Variants in SH3D21 observed in about 807,000 individuals in gnomAD.
The protein encoded by SH3D21 is manchette microtubule inner protein 1.
SH3D21 carries 83 observed loss-of-function variants against 82.1 expected under a neutral mutation model. The ratio of observed to expected loss-of-function variants is 1.01; its 90% CI spans 0.85 to 1.21. SH3D21 has a LOEUF of 1.21. SH3D21 is among the 50% of genes most tolerant of loss of function. The probability of loss-of-function intolerance (pLI) is 0.00; values close to 1 mark genes in which losing one functional copy is unlikely to be tolerated. For synonymous variants in SH3D21, 383 were observed against 387.8 expected (o/e 0.99, Z 0.15); for missense variants, 980 against 962.1 (o/e 1.02, Z -0.25).
At chr1:36,311,313 T>A (rs994561993) in intron 10 of SH3D21, among the ~76,000 whole-genome samples, 1 of 152,102 alleles carries the variant, frequency 6.6e-6, no homozygotes, top group Admixed American at 6.6e-5. Context: ...CAATCTGGGC[T>A]CACTGCAAGC....
At position 36,320,385 on chromosome 1, in the gene SH3D21, TG is replaced by T. The variant is rs1646427784; in HGVS notation, c.1723del (p.Ala575ProfsTer38). On this transcript the variant is annotated frameshift_variant, in exon 14 of 16. Transcript: ENST00000453908. LOFTEE classifies it high-confidence loss of function. Reference protein sequence around the residue: ...ELKSGPASRPALEKPHPHEEA... With the variant: ...ELKSGPASRPXLEKPHPHEEA... ...TGAAGTCTGGGCCAGCATCCAGGCC[TG>T]CCCTTGAGAAGCCCCACCCCCACGA... 2 of 1,613,406 alleles carry T rather than the reference TG, an allele frequency of 1.2e-6. No individual in the cohort carries two copies. The highest frequency in any genetic ancestry group is 1.3e-5 in the African/African-American group (1 of 74,868).
chr1:36,320,366 C>T lies in SH3D21; in HGVS notation c.1703C>T (p.Ser568Phe). 1 of 1,613,564 alleles carries T rather than the reference C, an allele frequency of 6.2e-7. No individual in the cohort carries two copies. The highest frequency in any genetic ancestry group is 8.5e-7 in the Non-Finnish European group (1 of 1,180,012). ...TCCCCACGCCAGGCTGAGTTGAAGT[C>T]TGGGCCAGCATCCAGGCCTGCCCTT... ...DSSPRQAELK[S>F]GPASRPALEK... The change falls in exon 14 of 16, where the codon TCT becomes TTT. Residue 568 changes from serine to phenylalanine, a missense_variant. Physicochemically the swap from Ser to Phe is radical, Grantham distance 155. Transcript: ENST00000453908.
chr1:36,309,543 C>T lies in SH3D21; in HGVS notation c.727-5C>T. On this transcript the variant is annotated splice_polypyrimidine_tract_variant and splice_region_variant and intron_variant, in intron 9 of 15. Coordinates refer to ENST00000453908, the MANE Select transcript of SH3D21 (RefSeq NM_001162530.2). ...ATGCTCAACCTTTACTTCTTTTCGG[C>T]ATAGATCAAGAAGCTGGTCCCACGG... 6.4e-7 allele frequency: 1 copy of T among 1,551,534 alleles called. No individual in the cohort carries two copies. The highest frequency in any genetic ancestry group is 1.4e-5 in the African/African-American group (1 of 73,140).
In SH3D21 at chr1:36,307,080, C is replaced by G; in HGVS notation, c.227-87C>G. 6.5e-7 allele frequency: 1 copy of G among 1,530,290 alleles called. No homozygotes were observed. The highest frequency in any genetic ancestry group is 8.8e-7 in the Non-Finnish European group (1 of 1,135,804). The allele number at this position is 1,530,290 out of a possible 1,614,324, so 94.8% of individuals were successfully genotyped here. ...CGCCCTGGGGCGGGGCTGGAGGGAC[C>G]AAAGGCTACGTGCGCGCCTTGCGCT... On this transcript the variant is annotated intron_variant, in intron 3 of 15. Transcript: ENST00000453908. The surrounding 1 kb of genome is among the most constrained non-coding windows in gnomAD (Gnocchi z 5.4).
intron 9 of SH3D21, among the ~76,000 whole-genome samples, chr1:36,309,283 C>T (rs1050629795): frequency 6.6e-6 from 1 of 151,910 alleles, no homozygotes; most frequent in African/African-American, 2.4e-5. Context: ...TGCAACCTCC[C>T]CCTCTCAGGT....
downstream of SH3D21, chr1:36,322,164 AG>A: frequency 3.0e-6 from 4 of 1,354,754 alleles, no homozygotes; most frequent in East Asian, 8.6e-5. Context: ...GGAGCCTCTC[AG>A]GGGGTGGCGG....
At position 36,320,011 on chromosome 1, in the gene SH3D21, G is replaced by T; in HGVS notation, c.1348G>T (p.Val450Phe). 1.2e-6 allele frequency: 2 copies of T among 1,614,106 alleles called. No individual in the cohort carries two copies. The highest frequency in any genetic ancestry group is 1.7e-6 in the Non-Finnish European group (2 of 1,180,010). ...GGACAAACCCTCCACTCCAGAGAGG[G>T]TCTTTTCAGTGGAAGAGTCCCCTGC... Reference protein sequence around the residue: ...TVDKPSTPERVFSVEESPALE... With the variant: ...TVDKPSTPERFFSVEESPALE... Residue 450 changes from valine (V) to phenylalanine (F), a missense_variant, in exon 14 of 16, where the codon GTC (valine) becomes TTC (phenylalanine). Val to Phe is a conservative substitution (Grantham distance 50). Transcript: ENST00000453908.
chr1:36,322,395 C>G, downstream of SH3D21: 1 of 1,598,408 alleles, frequency 6.3e-7, no homozygotes, highest in Non-Finnish European at 8.5e-7. Context: ...CCAGATCTCC[C>G]GCAGGATCCG....
At chr1:36,317,317 G>T (rs1646361407) in intron 10 of SH3D21, among the ~76,000 whole-genome samples, 1 of 152,224 alleles carries the variant, frequency 6.6e-6, no homozygotes, top group Non-Finnish European at 1.5e-5. Context: ...CTGAAATTCA[G>T]AGCCTGGTGT....
downstream of SH3D21, chr1:36,321,706 G>T: frequency 9.8e-7 from 1 of 1,016,114 alleles, no homozygotes; most frequent in Non-Finnish European, 1.2e-6. This position sits in a 1 kb window ranked among gnomAD's most constrained non-coding sequence, Gnocchi z 6.1. Context: ...CTGAGGCCTG[G>T]TGTGTGTGTC....
chr1:36,307,301 A>G lies in SH3D21; in HGVS notation c.345+16A>G. ...GATAAAGGAGGTGAGGGGTGAGGTG[A>G]TGGGACCGTTTGGGGGAGGATGATG... On this transcript the variant is annotated intron_variant, in intron 4 of 15. Transcript: ENST00000453908. This position sits in a 1 kb window ranked among gnomAD's most constrained non-coding sequence, Gnocchi z 5.4. 2 of 1,551,680 alleles carry G rather than the reference A, an allele frequency of 1.3e-6. No homozygotes were observed. Among genetic ancestry groups the G allele is most frequent in the African/African-American group, 1.4e-5 (1 of 73,176 alleles).
chr1:36,324,076 C>G (rs1646515685), downstream of SH3D21: 1 of 152,320 alleles, frequency 6.6e-6, no homozygotes, highest in Non-Finnish European at 1.5e-5. Flanking sequence ...CCAGGCAAAG[C>G]TGCTTCTCTT....
intron 10 of SH3D21, among the ~76,000 whole-genome samples, chr1:36,317,960 G>A (rs1024760234): frequency 6.6e-6 from 1 of 152,194 alleles, no homozygotes; most frequent in African/African-American, 2.4e-5. Flanking sequence ...TAGAACACAA[G>A]TTCAGTCTGG....
chr1:36,322,900 G>T, downstream of SH3D21: 1 of 1,576,490 alleles, frequency 6.3e-7, no homozygotes, highest in African/African-American at 1.4e-5. Flanking sequence ...GACGGACAAG[G>T]CGCTGGGGAG....
At position 36,308,278 on chromosome 1, in the gene SH3D21, C is replaced by T. The variant is rs1021752832; in HGVS notation, c.639+69C>T. ...GAGAAAGGGTAGACCTGCACATGTACCCCCTGAATCTAAAATAAACGTTGA... is the reference window on the plus strand; with the variant it reads ...GAGAAAGGGTAGACCTGCACATGTATCCCCTGAATCTAAAATAAACGTTGA... On this transcript the variant is annotated intron_variant, in intron 8 of 15. Coordinates refer to ENST00000453908, the MANE Select transcript of SH3D21 (RefSeq NM_001162530.2). 10 of 1,457,234 alleles carry T rather than the reference C, an allele frequency of 6.9e-6. No homozygotes were observed. The African/African-American group carries it at 1.3e-4, about 18-fold the overall frequency. 90.3% of individuals were successfully genotyped at this position (1,457,234 alleles called of 1,614,324 possible).
At chr1:36,321,382 A>C (rs1646460125), downstream of SH3D21, 3 of 401,342 alleles carry the variant, frequency 7.5e-6, no homozygotes, top group Non-Finnish European at 8.7e-6. This position sits in a 1 kb window ranked among gnomAD's most constrained non-coding sequence, Gnocchi z 6.1. Context: ...TATCCACCGG[A>C]TGGTGAGGGG....
chr1:36,320,926 C>G lies in SH3D21; in HGVS notation c.2147C>G (p.Thr716Ser), dbSNP rs775869479. 5.8e-6 allele frequency: 9 copies of G among 1,565,182 alleles called. No homozygotes were observed. The South Asian group carries it at 1.1e-4, about 18-fold the overall frequency. The change falls in exon 15 of 16, where the codon ACC (threonine) becomes AGC (serine). Residue 716 changes from threonine (T) to serine (S), a missense_variant. Physicochemically the swap from Thr to Ser is moderately conservative, Grantham distance 58. Transcript: ENST00000453908. ...GCCTCGGCCCGCAGGAGGAAGCTGA[C>G]CGACATCTGGGAGGAGCTGAAGAGC... ...LMEVQLERKL[T>S]DIWEELKSEK...
chr1:36,327,910 A>G (rs1234951297), downstream of SH3D21: 2 of 1,280,966 alleles, frequency 1.6e-6, no homozygotes, highest in East Asian at 1.1e-4. Flanking sequence ...TCCCCAGCCC[A>G]CCAGCCTGTC....
At position 36,306,953 on chromosome 1, in the gene SH3D21, C is replaced by T; in HGVS notation, c.226+48C>T. 2 of 1,338,380 alleles carry T rather than the reference C, an allele frequency of 1.5e-6. No homozygotes were observed. The highest frequency in any genetic ancestry group is 1.9e-6 in the Non-Finnish European group (2 of 1,035,984). The allele number at this position is 1,338,380 out of a possible 1,614,324, so 82.9% of individuals were successfully genotyped here. A position where few individuals can be genotyped will look rare whatever the true frequency, so the allele number is the denominator to read the frequency against. ...GCGCCGGTGGGCGGGTGCACGGAGCCAGTGCGACCCCGGCGTCTCCGGCTC... is the reference window on the plus strand; with the variant it reads ...GCGCCGGTGGGCGGGTGCACGGAGCTAGTGCGACCCCGGCGTCTCCGGCTC... On this transcript the variant is annotated intron_variant, in intron 3 of 15. Coordinates refer to ENST00000453908, the MANE Select transcript of SH3D21 (RefSeq NM_001162530.2). This position sits in a 1 kb window ranked among gnomAD's most constrained non-coding sequence, Gnocchi z 4.5.
Sources: gnomAD v4.1 joint callset for allele counts (sites outside exome capture counted in the v4.1 genomes callset) on GRCh38, gnomAD v4.1.1 for gene constraint, Gnocchi (gnomAD v3.1) non-coding constraint, MANE v1.5 for transcripts, NCBI Gene and HGNC (gene_info 2026-07-23, HGNC 2026-07-21) for gene names.